DOT1L: variants seen among roughly 807,000 people sequenced by gnomAD.
The protein encoded by DOT1L is DOT1 like histone lysine methyltransferase.
In DOT1L, 33 loss-of-function variants were observed where a neutral mutation model predicts 153.3. The ratio of observed to expected loss-of-function variants is 0.22; its 90% CI spans 0.16 to 0.29. The LOEUF is 0.29. DOT1L is among the 10% of genes least tolerant of loss of function. The probability of loss-of-function intolerance (pLI) is 1.00; values close to 1 mark genes in which losing one functional copy is unlikely to be tolerated. For missense variants in DOT1L, 1,847 were observed against 2,119.9 expected (o/e 0.87, Z 2.53); for synonymous variants, 1,135 against 965.1 (o/e 1.18, Z -3.26).
chr19:2,222,802 T>A lies in DOT1L; in HGVS notation c.3390+243T>A. On this transcript the variant is annotated intron_variant, in intron 24 of 27. Transcript: ENST00000398665. This position sits in a 1 kb window ranked among gnomAD's most constrained non-coding sequence, Gnocchi z 6.5. Reference sequence around the variant, plus strand: ...GGGAGGCTGAGGCAGGAGAATGATGTGAACCCGGGAGGCGGGGCTTGCAGT... The same window carrying A: ...GGGAGGCTGAGGCAGGAGAATGATGAGAACCCGGGAGGCGGGGCTTGCAGT... 2.0e-6 allele frequency: 1 copy of A among 505,816 alleles called. No individual in the cohort carries two copies. The highest frequency in any genetic ancestry group is 3.5e-6 in the Non-Finnish European group (1 of 289,440). 31.3% of individuals were successfully genotyped at this position (505,816 alleles called of 1,614,324 possible).
chr19:2,198,492 G>C (rs905222741), intron 7 of DOT1L, among the ~76,000 whole-genome samples: 18 of 152,248 alleles, frequency 1.2e-4, no homozygotes, highest in Admixed American at 1.1e-3. Context: ...CTCCGGGCCC[G>C]GGGGGGTGTC....
chr19:2,196,629 C>T (rs1023683990), intron 7 of DOT1L, among the ~76,000 whole-genome samples: 1 of 152,214 alleles, frequency 6.6e-6, no homozygotes, highest in Non-Finnish European at 1.5e-5. Flanking sequence ...CCGCGCCGGG[C>T]CTCCTTGGGG....
chr19:2,185,345 T>C (rs1412801069), intron 2 of DOT1L, among the ~76,000 whole-genome samples: 2 of 152,224 alleles, frequency 1.3e-5, no homozygotes, highest in Non-Finnish European at 1.5e-5. Context: ...ACGTAATACC[T>C]GTGTGATTCA....
intron 3 of DOT1L, among the ~76,000 whole-genome samples, chr19:2,187,888 C>T (rs995096144): frequency 7.4e-5 from 11 of 149,260 alleles, no homozygotes; most frequent in Non-Finnish European, 1.2e-4. Context: ...CGCCACCGCA[C>T]TCCAGCCTGG....
chr19:2,167,821 C>T (rs532254813), intron 1 of DOT1L, among the ~76,000 whole-genome samples: 118 of 151,644 alleles, frequency 7.8e-4, no homozygotes, highest in Non-Finnish European at 7.1e-4. Context: ...CTGCAAGCTC[C>T]GCCTCCCAGG....
In DOT1L at chr19:2,222,843, ACTGC is replaced by A. The variant is rs2144909084; in HGVS notation, c.3390+288_3390+291del. On this transcript the variant is annotated intron_variant, in intron 24 of 27. Coordinates refer to ENST00000398665, the MANE Select transcript of DOT1L (RefSeq NM_032482.3). This position sits in a 1 kb window ranked among gnomAD's most constrained non-coding sequence, Gnocchi z 6.5. ...GGCTTGCAGTGAACTGAGATCGGCC[ACTGC>A]CTGGGCCACAGAGCGAGACTCCCTC... 1 of 434,400 alleles carries A rather than the reference ACTGC, an allele frequency of 2.3e-6. No individual in the cohort carries two copies. Among genetic ancestry groups the A allele is most frequent in the South Asian group, 4.5e-5 (1 of 22,260 alleles). 26.9% of individuals were successfully genotyped at this position (434,400 alleles called of 1,614,324 possible).
Position 2,229,952 on chromosome 19 carries a change from T to C in DOT1L, c.*160T>C. Reference sequence around the variant, plus strand: ...ATCGGCGGCACGCGCCGCAGGAGGCTGGGACTGGTCCAGTTTGTACTGTCG... The same window carrying C: ...ATCGGCGGCACGCGCCGCAGGAGGCCGGGACTGGTCCAGTTTGTACTGTCG... On this transcript the variant is annotated 3_prime_UTR_variant, in exon 28 of 28. Coordinates refer to ENST00000398665, the MANE Select transcript of DOT1L (RefSeq NM_032482.3). 7 of 1,231,506 alleles carry C rather than the reference T, an allele frequency of 5.7e-6. No individual in the cohort carries two copies. Among genetic ancestry groups the C allele is most frequent in the Non-Finnish European group, 8.2e-6 (7 of 857,998 alleles). 76.3% of individuals were successfully genotyped at this position (1,231,506 alleles called of 1,614,324 possible).
chr19:2,179,008 T>C (rs2022097624), intron 1 of DOT1L, among the ~76,000 whole-genome samples: 1 of 152,158 alleles, frequency 6.6e-6, no homozygotes. Context: ...ATCCCATCAT[T>C]GCCATGAGCC....
chr19:2,181,124 G>A (rs2022210628), intron 2 of DOT1L, among the ~76,000 whole-genome samples: 1 of 152,230 alleles, frequency 6.6e-6, no homozygotes, highest in Admixed American at 6.5e-5. Context: ...TTCTGGGGGT[G>A]ACTTGGATGG....
At position 2,220,349 on chromosome 19, in the gene DOT1L, C is replaced by T. The variant is rs948159116; in HGVS notation, c.2806+127C>T. On this transcript the variant is annotated intron_variant, in intron 23 of 27. Coordinates refer to ENST00000398665, the MANE Select transcript of DOT1L (RefSeq NM_032482.3). The surrounding 1 kb of genome is among the most constrained non-coding windows in gnomAD (Gnocchi z 4.5). ...GATCATGGGGGCTGCTGCCCCAAACCGCCACGCCTCATTACTGACACCCTT... is the reference window on the plus strand; with the variant it reads ...GATCATGGGGGCTGCTGCCCCAAACTGCCACGCCTCATTACTGACACCCTT... 1.5e-5 allele frequency: 14 copies of T among 903,620 alleles called. No homozygotes were observed. The highest frequency in any genetic ancestry group is 4.9e-5 in the African/African-American group (3 of 60,768). 56.0% of individuals were successfully genotyped at this position (903,620 alleles called of 1,614,324 possible). A position where few individuals can be genotyped will look rare whatever the true frequency, so the allele number is the denominator to read the frequency against.
In DOT1L at chr19:2,230,712, G is replaced by C. The variant is rs888887517; in HGVS notation, c.*920G>C. ...ATTTGACAGCTTTTATTTTTAGATG[G>C]TATAATGCACAGTGAAGAGGAAAGA... On this transcript the variant is annotated 3_prime_UTR_variant, in exon 28 of 28. Transcript: ENST00000398665. The C allele has an allele frequency of 2.5e-6, 1 of 397,608 alleles. No individual in the cohort carries two copies. Among genetic ancestry groups the C allele is most frequent in the African/African-American group, 2.1e-5 (1 of 48,618 alleles). 24.6% of individuals were successfully genotyped at this position (397,608 alleles called of 1,614,324 possible). A position where few individuals can be genotyped will look rare whatever the true frequency, so the allele number is the denominator to read the frequency against.
rs1257859893 is a variant in DOT1L, at chr19:2,216,877, G to A, written c.2409-78G>A. 12 of 1,562,638 alleles carry A rather than the reference G, an allele frequency of 7.7e-6. No individual in the cohort carries two copies. In the African/African-American group the frequency reaches 1.2e-4, roughly 16 times the overall value. On this transcript the variant is annotated intron_variant, in intron 20 of 27. Coordinates refer to ENST00000398665, the MANE Select transcript of DOT1L (RefSeq NM_032482.3). ...GTGTGTTTGTTGAGGAGACTGAGGT[G>A]GGGAGGTGCTGGGCCAGGCCGCTGC...
intron 7 of DOT1L, among the ~76,000 whole-genome samples, chr19:2,198,902 T>C (rs367563941): frequency 1.3e-4 from 20 of 152,198 alleles, no homozygotes; most frequent in Non-Finnish European, 2.4e-4. Flanking sequence ...CCTGTTCTCA[T>C]TGGGGTCCTG....
In DOT1L at chr19:2,164,239, G is replaced by A. The variant is rs2144620466; in HGVS notation, c.55G>A (p.Val19Ile). The A allele has an allele frequency of 7.8e-7, 1 of 1,276,636 alleles. No individual in the cohort carries two copies. The highest frequency in any genetic ancestry group is 9.9e-7 in the Non-Finnish European group (1 of 1,008,090). The allele number at this position is 1,276,636 out of a possible 1,614,324, so 79.1% of individuals were successfully genotyped here. The change falls in exon 1 of 28, where the codon GTC (valine) becomes ATC (isoleucine). Residue 19 changes from valine to isoleucine, a missense_variant. Around this residue, in one of 8 missense-constraint regions of DOT1L, gnomAD observed 37 missense variants for 31.0 expected, o/e 1.19. Transcript: ENST00000398665. Reference sequence around the variant, plus strand: ...GTCGCCCGTGGGGGCTGAGCCCGCCGTCTACCCGTGGCCGCTGCCGGTCTA... The same window carrying A: ...GTCGCCCGTGGGGGCTGAGCCCGCCATCTACCCGTGGCCGCTGCCGGTCTA... ...LKSPVGAEPA[V>I]YPWPLPVYDK...
intron 1 of DOT1L, among the ~76,000 whole-genome samples, chr19:2,176,532 G>T (rs2021945364): frequency 6.6e-6 from 1 of 152,216 alleles, no homozygotes; most frequent in Non-Finnish European, 1.5e-5. Context: ...TGACACCGCT[G>T]TCAATCAGAG....
chr19:2,220,262 CT>C lies in DOT1L; in HGVS notation c.2806+41del. ...GTGCCCTACCCTCAGGACTCTGCTG[CT>C]GCTGCTGCTCTTCAGGCAGGAGGGC... On this transcript the variant is annotated intron_variant, in intron 23 of 27. Coordinates refer to ENST00000398665, the MANE Select transcript of DOT1L (RefSeq NM_032482.3). The surrounding 1 kb of genome is among the most constrained non-coding windows in gnomAD (Gnocchi z 4.5). 6.4e-7 allele frequency: 1 copy of C among 1,570,674 alleles called. No homozygotes were observed. Among genetic ancestry groups the C allele is most frequent in the South Asian group, 1.1e-5 (1 of 87,888 alleles).
At chr19:2,218,005 T>A in intron 22 of DOT1L, 87 bp downstream of exon 22, 1 of 1,518,866 alleles carries the variant, frequency 6.6e-7, no homozygotes, top group South Asian at 1.2e-5. Flanking sequence ...CTTTGCGAAG[T>A]CTCACGCTGT....
At chr19:2,214,777 C>G (rs1407597672) in intron 19 of DOT1L, 181 bp downstream of exon 19, 35 of 839,622 alleles carry the variant, frequency 4.2e-5, no homozygotes, top group Non-Finnish European at 6.1e-5. Flanking sequence ...GTGTGGATGA[C>G]TCTGCCTCAC....
chr19:2,214,069 C>T (rs2023814461), intron 18 of DOT1L, 83 bp downstream of exon 18: 1 of 1,513,862 alleles, frequency 6.6e-7, no homozygotes, highest in South Asian at 1.2e-5. Context: ...GGGTGGGAGG[C>T]TCTGGAAGGC....
Sources: gnomAD v4.1 joint callset for allele counts (sites outside exome capture counted in the v4.1 genomes callset) on GRCh38, gnomAD v4.1.1 for gene constraint, gnomAD v4.1.1 regional missense constraint, Gnocchi (gnomAD v3.1) non-coding constraint, MANE v1.5 for transcripts, NCBI Gene and HGNC (gene_info 2026-07-23, HGNC 2026-07-21) for gene names.